RBM33: variants seen among roughly 807,000 people sequenced by gnomAD.
RBM33 encodes RNA binding motif protein 33.
A neutral mutation model predicts 132.6 loss-of-function variants in RBM33; 28 were observed. The observed-to-expected ratio is 0.21, with a 90% CI of 0.16 to 0.29. The LOEUF (loss-of-function observed/expected upper bound fraction) is 0.29, where lower values mean the gene tolerates loss of function less well. RBM33 is among the 10% of genes least tolerant of loss of function. The pLI is 1.00. For synonymous variants in RBM33, 634 were observed against 593.0 expected, an observed-to-expected ratio of 1.07 and a Z score of -1.01; for missense variants, 1,291 against 1,518.5, an observed-to-expected ratio of 0.85 and a Z score of 2.49.
At chr7:155,661,652 C>T (rs1006809264) in intron 1 of RBM33, among the ~76,000 whole-genome samples, 1 of 152,192 alleles carries the variant, frequency 6.6e-6, no homozygotes, top group African/African-American at 2.4e-5. Context: ...AAGTGATCCA[C>T]CTGCCTTGGC....
At chr7:155,657,986 A>G (rs1423540963) in intron 1 of RBM33, among the ~76,000 whole-genome samples, 1 of 152,076 alleles carries the variant, frequency 6.6e-6, no homozygotes, top group Non-Finnish European at 1.5e-5. Flanking sequence ...GGTCTAGTTG[A>G]TTTATAGTAT....
intron 14 of RBM33, among the ~76,000 whole-genome samples, chr7:155,761,040 C>CA (rs1802019641): frequency 6.6e-6 from 1 of 152,220 alleles, no homozygotes; most frequent in Non-Finnish European, 1.5e-5. Flanking sequence ...CCATCTGGCT[C>CA]AGTCACCCGC....
In RBM33 at chr7:155,717,856, G is replaced by A. The variant is rs2116989578; in HGVS notation, c.1202-529G>A. 1.3e-5 allele frequency among the ~76,000 whole-genome samples: 2 copies of A among 152,258 alleles called. 1 individual carries two copies. Among genetic ancestry groups the A allele is most frequent in the Admixed American group, 1.3e-4 (2 of 15,286 alleles). On this transcript the variant is annotated intron_variant, in intron 8 of 17. Coordinates refer to ENST00000401878, the MANE Select transcript of RBM33 (RefSeq NM_053043.3). The stretch of plus-strand genomic sequence containing the variant: ...AAACTAAAGTAAACTAAAAGCCTTG[G>A]CATAGGGGATTGTTTAGTGGAAAAT...
chr7:155,704,916 C>G (rs540947450), intron 6 of RBM33, among the ~76,000 whole-genome samples: 21 of 152,002 alleles, frequency 1.4e-4, no homozygotes, highest in Middle Eastern at 3.4e-3. Context: ...CTTAATGGTC[C>G]TTATATTTGC....
intron 1 of RBM33, among the ~76,000 whole-genome samples, chr7:155,652,018 G>T (rs1409173737): frequency 6.6e-6 from 1 of 152,144 alleles, no homozygotes; most frequent in Non-Finnish European, 1.5e-5. Flanking sequence ...TACTAGTTAT[G>T]CTGTAAGGCT....
rs373259901 is a variant in RBM33, at chr7:155,646,651, T to C, written c.43+1732T>C. On this transcript the variant is annotated intron_variant, in intron 1 of 17. Coordinates refer to ENST00000401878, the MANE Select transcript of RBM33 (RefSeq NM_053043.3). ...TCACGCTTTTAAGGGAGGCTTTCCT[T>C]GAGAATTCATTGTATCTGAGGAATG... is the stretch of plus-strand genomic sequence containing the variant. 5.4e-4 allele frequency among the ~76,000 whole-genome samples: 83 copies of C among 152,354 alleles called. No homozygotes were observed. The South Asian group carries it at 0.016, about 30-fold the overall frequency.
At chr7:155,667,649 A>G (rs1224637007) in intron 2 of RBM33, among the ~76,000 whole-genome samples, 1 of 152,082 alleles carries the variant, frequency 6.6e-6, no homozygotes, top group Non-Finnish European at 1.5e-5. Context: ...CGGGCTGTGC[A>G]TTGTGGTCAG....
chr7:155,704,170 G>A, intron 6 of RBM33, among the ~76,000 whole-genome samples: 1 of 152,134 alleles, frequency 6.6e-6, no homozygotes, highest in East Asian at 1.9e-4. Context: ...CAGCAGTTAA[G>A]GAACAGTTTT....
chr7:155,652,212 G>GTCAGC (rs1245380968), intron 1 of RBM33, among the ~76,000 whole-genome samples: 2 of 152,156 alleles, frequency 1.3e-5, no homozygotes, highest in Admixed American at 6.5e-5. Context: ...GAATACAAAG[G>GTCAGC]TCAGCAAACT....
intron 6 of RBM33, among the ~76,000 whole-genome samples, chr7:155,704,279 G>T (rs568090659): frequency 6.6e-6 from 1 of 152,038 alleles, no homozygotes; most frequent in South Asian, 2.1e-4. Flanking sequence ...AGCTTTTTTT[G>T]CTCTATCAGG....
At chr7:155,707,130 T>C in intron 7 of RBM33, 62 bp downstream of exon 7, 1 of 1,323,564 alleles carries the variant, frequency 7.6e-7, no homozygotes, top group Non-Finnish European at 1.1e-6. Flanking sequence ...TAAGCTTTTG[T>C]GGGTATCCTA....
chr7:155,706,622 C>T (rs909657536), intron 6 of RBM33, among the ~76,000 whole-genome samples: 6 of 152,178 alleles, frequency 3.9e-5, no homozygotes, highest in African/African-American at 1.4e-4. Flanking sequence ...TTAAAATTTA[C>T]TGTTAACACT....
intron 2 of RBM33, among the ~76,000 whole-genome samples, chr7:155,669,714 A>G (rs1798895139): frequency 6.6e-6 from 1 of 152,180 alleles, no homozygotes; most frequent in Admixed American, 6.5e-5. Context: ...TTAAAGAACT[A>G]ATGAGTTCAT....
At position 155,673,940 on chromosome 7, in the gene RBM33, G is replaced by GTTGTTGTTTCTTTTTTTTTTTTT; in HGVS notation, c.171+1027_171+1028insGTTGTTTCTTTTTTTTTTTTTTT. 3.7e-5 allele frequency among the ~76,000 whole-genome samples: 2 copies of GTTGTTGTTTCTTTTTTTTTTTTT among 54,214 alleles called. 1 individual carries two copies. The highest frequency in any genetic ancestry group is 6.5e-5 in the Non-Finnish European group (2 of 30,838). 35.6% of individuals were successfully genotyped at this position (54,214 alleles called of 152,430 possible). On this transcript the variant is annotated intron_variant, in intron 3 of 17. Coordinates refer to ENST00000401878, the MANE Select transcript of RBM33 (RefSeq NM_053043.3). ...TCATTATCAAGATAGTTTAGGCTTA[G>GTTGTTGTTTCTTTTTTTTTTTTT]TTTTTTTTTTTTTTTTTTTTTTTTT...
intron 12 of RBM33, among the ~76,000 whole-genome samples, chr7:155,741,357 G>A (rs557258722): frequency 6.6e-6 from 1 of 152,122 alleles, no homozygotes; most frequent in Non-Finnish European, 1.5e-5. Context: ...TCTCCCGGGG[G>A]TCATGTTTCT....
At chr7:155,667,154 T>C (rs917702168) in intron 2 of RBM33, among the ~76,000 whole-genome samples, 8 of 152,208 alleles carry the variant, frequency 5.3e-5, no homozygotes, top group African/African-American at 1.9e-4. Context: ...CAGTATTGTT[T>C]AGCATGTATT....
Position 155,766,609 on chromosome 7 carries a change from C to T in RBM33, c.3329C>T (p.Thr1110Met), listed in dbSNP as rs1389102943. Residue 1110 changes from threonine (T) to methionine (M), a missense_variant, in exon 16 of 18, where the codon ACG (threonine) becomes ATG (methionine). Thr to Met is a moderately conservative substitution (Grantham distance 81). This residue lies in a region of RBM33 where 55 missense variants were observed against 101.4 expected (regional missense o/e 0.54). Coordinates refer to ENST00000401878, the MANE Select transcript of RBM33 (RefSeq NM_053043.3). ...GTGGAGGGGCTGTCCTCGTCCACCA[C>T]GGATGCCCAGCTGAAGAGCCTGCTG... ...VSVEGLSSST[T>M]DAQLKSLLMS... The T allele has an allele frequency of 2.5e-6, 4 of 1,612,312 alleles. No individual in the cohort carries two copies. The highest frequency in any genetic ancestry group is 3.4e-6 in the Non-Finnish European group (4 of 1,179,268).
chr7:155,692,914 A>G (rs1408062182), intron 5 of RBM33, among the ~76,000 whole-genome samples: 2 of 152,212 alleles, frequency 1.3e-5, no homozygotes, highest in Admixed American at 1.3e-4. Context: ...AAAAGAGTAA[A>G]TCATGGCCTA....
chr7:155,712,840 A>G (rs1483771687), intron 8 of RBM33, among the ~76,000 whole-genome samples: 3 of 152,182 alleles, frequency 2.0e-5, no homozygotes, highest in Non-Finnish European at 4.4e-5. Flanking sequence ...TTTGGCAGGG[A>G]GTGAAATGGG....
Sources: allele counts gnomAD v4.1 joint callset (sites outside exome capture counted in the v4.1 genomes callset), GRCh38; gene constraint gnomAD v4.1.1; regional missense constraint gnomAD v4.1.1; transcripts MANE v1.5; gene names NCBI Gene and HGNC (gene_info 2026-07-23, HGNC 2026-07-21).